MYO1B: variants seen among roughly 807,000 people sequenced by gnomAD.
MYO1B encodes the protein myosin IB.
MYO1B carries 72 observed loss-of-function variants against 159.7 expected under a neutral mutation model. The observed-to-expected ratio is 0.45, with a 90% CI of 0.37 to 0.55. The LOEUF (loss-of-function observed/expected upper bound fraction) is 0.55, where lower values mean the gene tolerates loss of function less well. MYO1B is among the 20% of genes least tolerant of loss of function. The pLI is 0.00. For missense variants in MYO1B, 1,062 were observed against 1,364.8 expected (o/e 0.78, Z 3.50); for synonymous variants, 468 against 473.8 (o/e 0.99, Z 0.16).
chr2:191,267,253 A>C (rs1687198713), intron 1 of MYO1B, among the ~76,000 whole-genome samples: 1 of 152,138 alleles, frequency 6.6e-6, no homozygotes, highest in Admixed American at 6.5e-5. Flanking sequence ...TTCCTGTTTA[A>C]ATCTATTGGA....
intron 13 of MYO1B, among the ~76,000 whole-genome samples, chr2:191,376,322 A>G (rs1016011973): frequency 2.0e-5 from 3 of 152,194 alleles, no homozygotes; most frequent in Non-Finnish European, 2.9e-5. Flanking sequence ...AAAAAAAGCA[A>G]TTCTTGTTTT....
intron 1 of MYO1B, among the ~76,000 whole-genome samples, chr2:191,276,284 T>C (rs73058656): frequency 0.014 from 2,195 of 152,338 alleles, 53 homozygotes; most frequent in African/African-American, 0.05. Context: ...GACGTGGTAA[T>C]TGAGTTCTTT....
At chr2:191,400,332 A>C in intron 21 of MYO1B, 50 bp from the exon 22 acceptor site, 6 of 1,588,482 alleles carry the variant, frequency 3.8e-6, no homozygotes, top group Non-Finnish European at 5.2e-6. Flanking sequence ...AGTCACTGTC[A>C]ATTCCTTTAT....
rs562209323 is a variant in MYO1B at position 191,377,035 on chromosome 2, G to T, written c.1186-4427G>T. On this transcript the variant is annotated intron_variant, in intron 13 of 30. Coordinates refer to ENST00000392318, the MANE Select transcript of MYO1B (RefSeq NM_001130158.3). Reference sequence around the variant, plus strand: ...AAGATTTTCTGGGCTTTGTTTTTTTGTTGTTGTTTGTTTGTTTTGATGTTG... The same window carrying T: ...AAGATTTTCTGGGCTTTGTTTTTTTTTTGTTGTTTGTTTGTTTTGATGTTG... 3.3e-3 allele frequency among the ~76,000 whole-genome samples: 497 copies of T among 152,122 alleles called. 3 individuals are homozygous for T. The highest frequency in any genetic ancestry group is 4.6e-3 in the Non-Finnish European group (310 of 67,962).
At chr2:191,396,601 C>A in intron 21 of MYO1B, 104 bp downstream of exon 21, 1 of 1,050,812 alleles carries the variant, frequency 9.5e-7, no homozygotes, top group Non-Finnish European at 1.5e-6. Context: ...CCTCTGTCTC[C>A]TGCCTCGCCT....
Position 191,363,878 on chromosome 2 carries a change from A to G in MYO1B, c.913+3A>G, listed in dbSNP as rs771852027. 2 of 1,612,744 alleles carry G rather than the reference A, an allele frequency of 1.2e-6. No homozygotes were observed. Among genetic ancestry groups the G allele is most frequent in the Non-Finnish European group, 1.7e-6 (2 of 1,179,224 alleles). On this transcript the variant is annotated splice_donor_region_variant and intron_variant, in intron 10 of 30. Transcript: ENST00000392318. ...AAGCAAAATCAAAGATAAAAATGGTACATCCGTGGAGAATCAACTTTGTTT... is the reference window on the plus strand; with the variant it reads ...AAGCAAAATCAAAGATAAAAATGGTGCATCCGTGGAGAATCAACTTTGTTT...
chr2:191,286,191 C>G (rs1321464749), intron 2 of MYO1B, among the ~76,000 whole-genome samples: 1 of 152,102 alleles, frequency 6.6e-6, no homozygotes, highest in Non-Finnish European at 1.5e-5. Context: ...GATGCATACA[C>G]TGAATTACAT....
At position 191,387,351 on chromosome 2, in the gene MYO1B, A is replaced by T. The variant is rs1375016186; in HGVS notation, c.1682A>T (p.Lys561Met). The T allele has an allele frequency of 2.5e-6, 4 of 1,614,198 alleles. No individual in the cohort carries two copies. In the Admixed American group the frequency reaches 5.0e-5, roughly 20 times the overall value. The change falls in exon 17 of 31, where the codon AAG (lysine) becomes ATG (methionine). Residue 561 changes from lysine to methionine, a missense_variant. Lys to Met is a moderately conservative substitution (Grantham distance 95). This residue lies in a region of MYO1B where 609 missense variants were observed against 744.4 expected (regional missense o/e 0.82). Coordinates refer to ENST00000392318, the MANE Select transcript of MYO1B (RefSeq NM_001130158.3). Reference protein sequence around the residue: ...KSLFPEGNPAKINLKRPPTAG... With the variant: ...KSLFPEGNPAMINLKRPPTAG... The stretch of plus-strand genomic sequence containing the variant: ...TTGTTCCCCGAAGGGAATCCCGCCA[A>T]GATCAACCTGAAAAGGCCTCCTACA...
intron 1 of MYO1B, among the ~76,000 whole-genome samples, chr2:191,268,744 T>G (rs1687287643): frequency 6.6e-6 from 1 of 152,144 alleles, no homozygotes; most frequent in Admixed American, 6.5e-5. Flanking sequence ...GTTCCCTGGA[T>G]CTCTATGAGC....
At chr2:191,394,881 C>T (rs977253790) in intron 20 of MYO1B, among the ~76,000 whole-genome samples, 11 of 152,136 alleles carry the variant, frequency 7.2e-5, no homozygotes, top group African/African-American at 2.7e-4. Context: ...CTAATAATAG[C>T]CCCAGTTTTA....
intron 19 of MYO1B, 123 bp downstream of exon 19, chr2:191,392,324 T>A: frequency 1.6e-6 from 1 of 610,018 alleles, no homozygotes; most frequent in East Asian, 2.8e-5. Flanking sequence ...AACACTTGTG[T>A]GTTTATCTAC....
intron 3 of MYO1B, among the ~76,000 whole-genome samples, chr2:191,321,823 G>C (rs1690737205): frequency 6.6e-6 from 1 of 152,082 alleles, no homozygotes; most frequent in African/African-American, 2.4e-5. Context: ...GGGGAACTTA[G>C]ATGTCTTTCT....
intron 7 of MYO1B, among the ~76,000 whole-genome samples, chr2:191,355,392 G>T (rs747773791): frequency 7.9e-5 from 12 of 152,172 alleles, no homozygotes; most frequent in Non-Finnish European, 1.8e-4. Context: ...CTGATACAGG[G>T]GTGTGATTGA....
At chr2:191,414,304 T>A in intron 28 of MYO1B, 124 bp downstream of exon 28, 1 of 1,249,026 alleles carries the variant, frequency 8.0e-7, no homozygotes, top group African/African-American at 1.5e-5. Context: ...GGCGGCTATT[T>A]CCCCTTACCT....
At chr2:191,389,197 T>C (rs1312474935) in intron 17 of MYO1B, among the ~76,000 whole-genome samples, 3 of 152,186 alleles carry the variant, frequency 2.0e-5, no homozygotes, top group African/African-American at 7.2e-5. Context: ...TTATAAATGG[T>C]AAAAGAGAAA....
At chr2:191,409,002 G>T in intron 25 of MYO1B, 42 bp from the exon 26 acceptor site, 2 of 1,572,792 alleles carry the variant, frequency 1.3e-6, no homozygotes, top group Non-Finnish European at 1.7e-6. Flanking sequence ...GTCTTTTGTG[G>T]TATATTTTCC....
chr2:191,334,081 C>A (rs1691667670), intron 4 of MYO1B, among the ~76,000 whole-genome samples: 1 of 150,008 alleles, frequency 6.7e-6, no homozygotes, highest in South Asian at 2.1e-4. Context: ...TTCTTACATT[C>A]TTTAGCTTTT....
At chr2:191,283,455 G>C (rs980465212) in intron 2 of MYO1B, among the ~76,000 whole-genome samples, 27 of 152,176 alleles carry the variant, frequency 1.8e-4, no homozygotes, top group African/African-American at 6.3e-4. Flanking sequence ...TAACTCCTTG[G>C]AGACTGTTTT....
chr2:191,352,422 G>A (rs527335284), intron 7 of MYO1B, among the ~76,000 whole-genome samples: 117 of 152,188 alleles, frequency 7.7e-4, no homozygotes, highest in Non-Finnish European at 1.5e-3. Flanking sequence ...AATATTACTC[G>A]AGGATTTTAG....
Sources: allele counts gnomAD v4.1 joint callset (sites outside exome capture counted in the v4.1 genomes callset), GRCh38; gene constraint gnomAD v4.1.1; regional missense constraint gnomAD v4.1.1; transcripts MANE v1.5; gene names NCBI Gene and HGNC (gene_info 2026-07-23, HGNC 2026-07-21).